The following PGM1 variants were observed in gnomAD, a reference collection of about 807,000 sequenced individuals.
The protein encoded by PGM1 is phosphoglucomutase-1.
Under a neutral mutation model 55.6 loss-of-function variants are expected in PGM1, and 52 were observed. The observed-to-expected ratio is 0.94, with a 90% CI of 0.75 to 1.18. PGM1 has a LOEUF of 1.18. PGM1 is among the 50% of genes most tolerant of loss of function. The pLI, the probability that PGM1 is intolerant of heterozygous loss-of-function variation, is 0.00. For synonymous variants in PGM1, 287 were observed against 271.7 expected (o/e 1.06, Z -0.55); for missense variants, 724 against 729.3 (o/e 0.99, Z 0.08).
At chr1:63,641,700 T>G (rs1649523017) in intron 7 of PGM1, among the ~76,000 whole-genome samples, 1 of 152,176 alleles carries the variant, frequency 6.6e-6, no homozygotes, top group Non-Finnish European at 1.5e-5. Context: ...TTGTTGTACT[T>G]GTTGCAGCTG....
intron 7 of PGM1, among the ~76,000 whole-genome samples, chr1:63,647,064 G>A (rs969208003): frequency 4.6e-5 from 7 of 151,674 alleles, no homozygotes; most frequent in African/African-American, 9.7e-5. Flanking sequence ...CCAACATGGC[G>A]AAACCCTGTC....
intron 7 of PGM1, 131 bp from the exon 8 acceptor site, chr1:63,648,386 A>G (rs1178504526): frequency 1.2e-5 from 11 of 943,874 alleles, no homozygotes; most frequent in Non-Finnish European, 1.8e-5. Context: ...CCCATGATCC[A>G]ATCACTTCCC....
At chr1:63,608,957 T>G (rs990813946) in intron 1 of PGM1, among the ~76,000 whole-genome samples, 1 of 152,186 alleles carries the variant, frequency 6.6e-6, no homozygotes, top group Non-Finnish European at 1.5e-5. Context: ...TGTAACTGGT[T>G]AGTAAAGAGA....
intron 9 of PGM1, 111 bp from the exon 10 acceptor site, chr1:63,654,221 C>T (rs549940638): frequency 4.8e-5 from 52 of 1,092,466 alleles, no homozygotes; most frequent in Middle Eastern, 4.0e-4. Context: ...GGATTTAACC[C>T]TCCAATGAAC....
chr1:63,634,652 C>A (rs1419155732), intron 4 of PGM1, among the ~76,000 whole-genome samples, 177 bp from the exon 5 acceptor site: 1 of 152,174 alleles, frequency 6.6e-6, no homozygotes, highest in Non-Finnish European at 1.5e-5. Context: ...TTTTAGAGAA[C>A]ATTCTTCTCC....
At chr1:63,658,706 C>T (rs374909466) in intron 10 of PGM1, among the ~76,000 whole-genome samples, 7 of 149,894 alleles carry the variant, frequency 4.7e-5, no homozygotes, top group African/African-American at 4.9e-5. Context: ...GAGCCAAGAT[C>T]GCAGCATTGC....
rs572141552 is a variant in PGM1, at chr1:63,614,085, A to T, written c.247-15340A>T. Among the ~76,000 whole-genome samples the T allele has an allele frequency of 6.6e-5, 10 of 152,316 alleles. No individual in the cohort carries two copies. The East Asian group carries it at 1.9e-3, about 29-fold the overall frequency. ...TACCTACACCACTGAGTTGTTATTA[A>T]GCCTGCATGAAAACCTACATGTAAT... On this transcript the variant is annotated intron_variant, in intron 1 of 10. Coordinates refer to ENST00000371084, the MANE Select transcript of PGM1 (RefSeq NM_002633.3).
At chr1:63,596,476 C>T (rs549904976) in intron 1 of PGM1, among the ~76,000 whole-genome samples, 1 of 151,966 alleles carries the variant, frequency 6.6e-6, no homozygotes, top group Non-Finnish European at 1.5e-5. Flanking sequence ...AGGCTGGTCT[C>T]GAACTTCTGA....
At position 63,634,966 on chromosome 1, in the gene PGM1, G is replaced by A; in HGVS notation, c.820G>A (p.Glu274Lys). The A allele has an allele frequency of 6.2e-7, 1 of 1,614,074 alleles. No homozygotes were observed. Among genetic ancestry groups the A allele is most frequent in the Non-Finnish European group, 8.5e-7 (1 of 1,180,014 alleles). ...CCTCACCTATGCAGCTGACCTGGTGGAGACCATGAAGTCAGGAGAGCATGA... is the reference window on the plus strand; with the variant it reads ...CCTCACCTATGCAGCTGACCTGGTGAAGACCATGAAGTCAGGAGAGCATGA... Reference protein sequence around the residue: ...PNLTYAADLVETMKSGEHDFG... With the variant: ...PNLTYAADLVKTMKSGEHDFG... Residue 274 changes from glutamate (E) to lysine (K), a missense_variant, in exon 5 of 11, where the codon GAG (glutamate) becomes AAG (lysine). Transcript: ENST00000371084.
Position 63,631,751 on chromosome 1 carries a change from A to C in PGM1, c.651A>C (p.Arg217=). The stretch of plus-strand genomic sequence containing the variant: ...AAGAACTACTTTCTGGGCCAAACCG[A>C]CTGAAGATCCGTATTGATGCTATGC... ...ALKELLSGPN[R]LKIRIDAMHG... is the part of the protein sequence containing the mutation. Residue 217 remains arginine, a synonymous_variant, in exon 4 of 11, where the codon CGA becomes CGC. Coordinates refer to ENST00000371084, the MANE Select transcript of PGM1 (RefSeq NM_002633.3). 6.2e-7 allele frequency: 1 copy of C among 1,613,802 alleles called. No individual in the cohort carries two copies. Among genetic ancestry groups the C allele is most frequent in the African/African-American group, 1.3e-5 (1 of 75,040 alleles).
At chr1:63,631,597 AATATAATATTTCTAAATGTGTTT>A in intron 3 of PGM1, 37 bp from the exon 4 acceptor site, 1 of 1,524,708 alleles carries the variant, frequency 6.6e-7, no homozygotes, top group East Asian at 2.3e-5. Flanking sequence ...GTCACATCAG[AATATAATATTTCTAAATGTGTTT>A]AATCCTTCCA....
At chr1:63,642,018 A>G (rs1268747337) in intron 7 of PGM1, among the ~76,000 whole-genome samples, 1 of 152,308 alleles carries the variant, frequency 6.6e-6, no homozygotes, top group East Asian at 1.9e-4. Flanking sequence ...ACCCACCTCA[A>G]TGGAGAATCC....
At chr1:63,609,183 C>T (rs759560222) in intron 1 of PGM1, among the ~76,000 whole-genome samples, 13 of 152,104 alleles carry the variant, frequency 8.5e-5, no homozygotes, top group Non-Finnish European at 1.8e-4. Flanking sequence ...CAGCCACAGG[C>T]CCATCAATCT....
rs188429366 is a variant in PGM1, at chr1:63,622,587, T to C, written c.247-6838T>C. ...AACCCTGTGTACTCAGAAAAACATATGTATATTTTTTCCGTGTTTTGCTTA... is the reference window on the plus strand; with the variant it reads ...AACCCTGTGTACTCAGAAAAACATACGTATATTTTTTCCGTGTTTTGCTTA... On this transcript the variant is annotated intron_variant, in intron 1 of 10. Transcript: ENST00000371084. Among the ~76,000 whole-genome samples, 517 of 152,296 alleles carry C rather than the reference T, an allele frequency of 3.4e-3. 3 individuals carry two copies. The highest frequency in any genetic ancestry group is 0.011 in the African/African-American group (469 of 41,558).
intron 1 of PGM1, chr1:63,594,019 G>T: frequency 8.9e-7 from 1 of 1,123,022 alleles, no homozygotes. Context: ...CCGACTCTCC[G>T]TCTCTAGCCG....
At position 63,659,945 on chromosome 1, in the gene PGM1, C is replaced by T; in HGVS notation, c.*270C>T. The T allele has an allele frequency of 1.8e-6, 1 of 561,886 alleles. No individual in the cohort carries two copies. 34.8% of individuals were successfully genotyped at this position (561,886 alleles called of 1,614,324 possible). A position where few individuals can be genotyped will look rare whatever the true frequency, so the allele number is the denominator to read the frequency against. On this transcript the variant is annotated 3_prime_UTR_variant, in exon 11 of 11. Coordinates refer to ENST00000371084, the MANE Select transcript of PGM1 (RefSeq NM_002633.3). ...GCTGCGTGGGTATTTGTCTCCTTAG[C>T]CATCAGGTACAGTTTACACTACAAT... is the stretch of plus-strand genomic sequence containing the variant.
chr1:63,614,579 T>C (rs1648658441), intron 1 of PGM1, among the ~76,000 whole-genome samples: 1 of 152,200 alleles, frequency 6.6e-6, no homozygotes, highest in Non-Finnish European at 1.5e-5. Context: ...GCATGATAGT[T>C]ACATGTCTGG....
intron 4 of PGM1, among the ~76,000 whole-genome samples, chr1:63,634,405 C>T (rs1301675185): frequency 6.6e-6 from 1 of 152,076 alleles, no homozygotes; most frequent in African/African-American, 2.4e-5. Context: ...ATAACTTTCC[C>T]AAAATTATTA....
Position 63,593,433 on chromosome 1 carries a change from G to C in PGM1, c.-56G>C. The C allele has an allele frequency of 6.2e-7, 1 of 1,610,032 alleles. No individual in the cohort carries two copies. Among genetic ancestry groups the C allele is most frequent in the Non-Finnish European group, 8.5e-7 (1 of 1,178,614 alleles). On this transcript the variant is annotated 5_prime_UTR_variant, in exon 1 of 11. Coordinates refer to ENST00000371084, the MANE Select transcript of PGM1 (RefSeq NM_002633.3). ...CCCAGAGCAGCTGCAGCCTCAGCCGGCCGCCCCTCCGCCAGCCAAGTCCGC... is the reference window on the plus strand; with the variant it reads ...CCCAGAGCAGCTGCAGCCTCAGCCGCCCGCCCCTCCGCCAGCCAAGTCCGC...
Sources: allele counts gnomAD v4.1 joint callset (sites outside exome capture counted in the v4.1 genomes callset), GRCh38; gene constraint gnomAD v4.1.1; transcripts MANE v1.5; gene names NCBI Gene and HGNC (gene_info 2026-07-23, HGNC 2026-07-21).